The following LARS2 variants were observed in gnomAD, a reference collection of about 807,000 sequenced individuals.
LARS2 encodes the protein leucyl-tRNA synthetase 2, mitochondrial, also known as leucine--tRNA ligase, mitochondrial.
Under a neutral mutation model 116.6 loss-of-function variants are expected in LARS2, and 81 were observed. The ratio of observed to expected loss-of-function variants is 0.69; its 90% CI spans 0.58 to 0.84. LARS2 has a LOEUF of 0.84. LARS2 is among the 40% of genes least tolerant of loss of function. The probability of loss-of-function intolerance (pLI) is 0.00; values close to 1 mark genes in which losing one functional copy is unlikely to be tolerated. For synonymous variants in LARS2, 396 were observed against 407.2 expected, an observed-to-expected ratio of 0.97 and a Z score of 0.33; for missense variants, 968 against 1,114.5, an observed-to-expected ratio of 0.87 and a Z score of 1.87.
intron 12 of LARS2, among the ~76,000 whole-genome samples, chr3:45,490,881 G>C (rs984078754): frequency 6.6e-6 from 1 of 152,344 alleles, no homozygotes; most frequent in Non-Finnish European, 1.5e-5. Context: ...ACTGTTAGTG[G>C]TCTGTCCTGC....
At chr3:45,478,682 T>G (rs372816424) in intron 10 of LARS2, among the ~76,000 whole-genome samples, 1 of 152,212 alleles carries the variant, frequency 6.6e-6, no homozygotes, top group African/African-American at 2.4e-5. Flanking sequence ...ATCTCTGAAA[T>G]TATTCCAAAT....
intron 6 of LARS2, among the ~76,000 whole-genome samples, chr3:45,429,450 C>A (rs1239875778): frequency 6.6e-6 from 1 of 152,180 alleles, no homozygotes; most frequent in African/African-American, 2.4e-5. Context: ...CTCAAGCCTT[C>A]CACATGGCCC....
Position 45,518,051 on chromosome 3 carries a change from C to T in LARS2, c.2193C>T (p.Tyr731=), listed in dbSNP as rs768915219. The stretch of plus-strand genomic sequence containing the variant: ...CTGAGGCCAGGAAGCTCTGGGAGTA[C>T]AAGAACTCCGTCATCTCTCAGGTCA... ...EKAEARKLWE[Y]KNSVISQVTT... is the part of the protein sequence containing the mutation. The change falls in exon 18 of 22, where the codon TAC becomes TAT. Residue 731 remains tyrosine, a synonymous_variant. Transcript: ENST00000645846. The T allele has an allele frequency of 6.2e-7, 1 of 1,613,134 alleles. No individual in the cohort carries two copies. The highest frequency in any genetic ancestry group is 8.5e-7 in the Non-Finnish European group (1 of 1,179,406).
intron 15 of LARS2, among the ~76,000 whole-genome samples, chr3:45,510,656 A>G (rs1305435851): frequency 6.6e-6 from 1 of 152,204 alleles, no homozygotes; most frequent in African/African-American, 2.4e-5. Flanking sequence ...GCGTGAGTAA[A>G]GACGTGGAAG....
At chr3:45,469,773 C>T (rs1164232638) in intron 8 of LARS2, among the ~76,000 whole-genome samples, 4 of 152,186 alleles carry the variant, frequency 2.6e-5, no homozygotes, top group Admixed American at 2.0e-4. Flanking sequence ...TTGCTGCCTT[C>T]ATAATTGGTT....
intron 7 of LARS2, among the ~76,000 whole-genome samples, chr3:45,456,505 C>G (rs1699215615): frequency 6.6e-6 from 1 of 152,218 alleles, no homozygotes; most frequent in Non-Finnish European, 1.5e-5. Context: ...ATCACTTGAA[C>G]CCAGGAGGCA....
intron 7 of LARS2, among the ~76,000 whole-genome samples, chr3:45,454,530 T>C (rs1314056388): frequency 6.6e-6 from 1 of 152,152 alleles, no homozygotes; most frequent in African/African-American, 2.4e-5. Context: ...GAGCTCAGTG[T>C]GTTTGCAGGT....
At chr3:45,537,863 G>T (rs186792502) in intron 20 of LARS2, among the ~76,000 whole-genome samples, 1 of 152,158 alleles carries the variant, frequency 6.6e-6, no homozygotes, top group Non-Finnish European at 1.5e-5. Flanking sequence ...GGCTTGTTTC[G>T]GTTATTCTGC....
At chr3:45,410,466 G>GTC (rs1698313471) in intron 4 of LARS2, among the ~76,000 whole-genome samples, 1 of 152,104 alleles carries the variant, frequency 6.6e-6, no homozygotes, top group Non-Finnish European at 1.5e-5. Flanking sequence ...CATGATTCTT[G>GTC]TCTACCACGG....
In LARS2 at chr3:45,523,077, A is replaced by G. The variant is rs541311877; in HGVS notation, c.2293-920A>G. Among the ~76,000 whole-genome samples the G allele has an allele frequency of 1.3e-3, 197 of 152,216 alleles. 6 individuals are homozygous for G. In the South Asian group the frequency reaches 0.04, roughly 31 times the overall value. ...ATGAGTAGTTTTTCATTTCCTGTAT[A>G]TTCTGTGCTGAGTGTGTGTTAGTTT... On this transcript the variant is annotated intron_variant, in intron 19 of 21. Coordinates refer to ENST00000645846, the MANE Select transcript of LARS2 (RefSeq NM_015340.4).
At chr3:45,464,119 C>T (rs1256138382) in intron 8 of LARS2, among the ~76,000 whole-genome samples, 1 of 152,146 alleles carries the variant, frequency 6.6e-6, no homozygotes. Context: ...CTGATTTCAC[C>T]TGTGAGCTTG....
intron 15 of LARS2, among the ~76,000 whole-genome samples, chr3:45,512,210 A>G (rs1164618942): frequency 1.3e-5 from 2 of 152,200 alleles, no homozygotes; most frequent in Non-Finnish European, 2.9e-5. Flanking sequence ...GTTTGTGGGG[A>G]ACATCACTGG....
intron 19 of LARS2, among the ~76,000 whole-genome samples, 199 bp from the exon 20 acceptor site, chr3:45,523,798 C>T (rs528063642): frequency 6.6e-6 from 1 of 151,960 alleles, no homozygotes; most frequent in Non-Finnish European, 1.5e-5. Context: ...TAAGTGTCAG[C>T]TACCACACCT....
At chr3:45,525,692 A>G (rs1043720288) in intron 20 of LARS2, among the ~76,000 whole-genome samples, 6 of 152,200 alleles carry the variant, frequency 3.9e-5, no homozygotes, top group African/African-American at 1.4e-4. Context: ...GGGTCTTTCC[A>G]GTTACTCTTT....
chr3:45,449,891 T>C (rs1430534078), intron 7 of LARS2, among the ~76,000 whole-genome samples: 7 of 152,230 alleles, frequency 4.6e-5, no homozygotes, highest in Non-Finnish European at 7.3e-5. Context: ...TTTAAGTCTT[T>C]TGTTCTTAAC....
At chr3:45,505,937 C>T (rs1700195122) in intron 15 of LARS2, among the ~76,000 whole-genome samples, 1 of 152,052 alleles carries the variant, frequency 6.6e-6, no homozygotes, top group South Asian at 2.1e-4. Flanking sequence ...GGGTTTGCTG[C>T]ATGCTGATGT....
At chr3:45,543,468 T>C (rs1053278231) in intron 21 of LARS2, among the ~76,000 whole-genome samples, 2 of 140,312 alleles carry the variant, frequency 1.4e-5, no homozygotes, top group Non-Finnish European at 3.2e-5. Flanking sequence ...TTTTTATTTT[T>C]TTATTTTTTT....
At chr3:45,427,779 C>T (rs984359849) in intron 6 of LARS2, among the ~76,000 whole-genome samples, 12 of 152,062 alleles carry the variant, frequency 7.9e-5, no homozygotes, top group South Asian at 2.1e-4. Context: ...TAGGTAACCA[C>T]TGTTCTGACA....
chr3:45,524,179 A>T, intron 20 of LARS2, 71 bp downstream of exon 20: 5 of 1,012,604 alleles, frequency 4.9e-6, no homozygotes, highest in Non-Finnish European at 7.8e-6. Flanking sequence ...TTTGAACATC[A>T]TTCGGGACTC....
Sources: gnomAD v4.1 joint callset for allele counts (sites outside exome capture counted in the v4.1 genomes callset) on GRCh38, gnomAD v4.1.1 for gene constraint, MANE v1.5 for transcripts, NCBI Gene and HGNC (gene_info 2026-07-23, HGNC 2026-07-21) for gene names.